STS: variants seen among roughly 807,000 people sequenced by gnomAD.
The protein encoded by STS is steroid sulfatase.
STS carries 7 observed loss-of-function variants against 26.8 expected under a neutral mutation model. The observed-to-expected ratio is 0.26, with a 90% CI of 0.15 to 0.49. The LOEUF (loss-of-function observed/expected upper bound fraction) is 0.49. Ranked by LOEUF, STS falls within the 20% of genes least tolerant of loss-of-function variation. STS has a pLI of 0.98. For missense variants in STS, 434 were observed against 465.6 expected, an observed-to-expected ratio of 0.93 and a Z score of 0.63; for synonymous variants, 199 against 189.4, an observed-to-expected ratio of 1.05 and a Z score of -0.42.
chrX:7,261,273 CAG>C (rs1187567606), intron 6 of STS, among the ~76,000 whole-genome samples: 2 of 110,642 alleles, frequency 1.8e-5, no homozygotes, highest in Non-Finnish European at 3.8e-5. Flanking sequence ...ATAAAGGAGA[CAG>C]AGGAAATATA....
intron 2 of STS, among the ~76,000 whole-genome samples, chrX:7,191,475 G>T (rs1312993997): frequency 1.8e-5 from 2 of 112,483 alleles, no homozygotes; most frequent in Non-Finnish European, 3.8e-5. Context: ...CTGATCAGCT[G>T]CAGCAATACC....
At chrX:7,301,524 G>C (rs1925965604) in intron 7 of STS, among the ~76,000 whole-genome samples, 1 of 111,659 alleles carries the variant, frequency 9.0e-6, no homozygotes, top group Non-Finnish European at 1.9e-5. Context: ...TATTCATGTG[G>C]TATATTTGTT....
At chrX:7,186,037 C>T (rs1279047376) in intron 1 of STS, among the ~76,000 whole-genome samples, 2 of 111,852 alleles carry the variant, frequency 1.8e-5, no homozygotes, top group African/African-American at 3.3e-5. Flanking sequence ...CGAGGTTGGA[C>T]TTGTGAAAAT....
chrX:7,175,493 CAACAA>C (rs200425206), intron 1 of STS, among the ~76,000 whole-genome samples: 5 of 104,232 alleles, frequency 4.8e-5, no homozygotes, highest in African/African-American at 1.4e-4. Context: ...GACCTGGTCT[CAACAA>C]AACAAAACAA....
At position 7,350,144 on chromosome X, in the gene STS, C is replaced by T. The variant is rs1804481; in HGVS notation, c.1620C>T (p.Pro540=). 2.2e-5 allele frequency: 27 copies of T among 1,210,432 alleles called. 1 individual carries two copies. The highest frequency in any genetic ancestry group is 2.8e-5 in the Non-Finnish European group (25 of 895,161). Residue 540 remains proline, a synonymous_variant, in exon 11 of 11, where the codon CCC becomes CCT. Transcript: ENST00000674429. ...ACACCCAGACCCTGCCAGAGGTGCC[C>T]GATCAGTTTTCATGGAACAACTTTC... is the stretch of plus-strand genomic sequence containing the variant. ...DRHTQTLPEV[P]DQFSWNNFLW...
intron 2 of STS, among the ~76,000 whole-genome samples, chrX:7,221,400 G>A (rs1462839327): frequency 8.9e-6 from 1 of 112,334 alleles, no homozygotes; most frequent in African/African-American, 3.2e-5. Context: ...TCTCTGGTTC[G>A]GTACAAAGCT....
At chrX:7,279,359 A>ATG (rs1375649455) in intron 7 of STS, among the ~76,000 whole-genome samples, 1 of 56,085 alleles carries the variant, frequency 1.8e-5, no homozygotes, top group African/African-American at 8.9e-5. Context: ...GTGTGTGTGT[A>ATG]TATGTGTGTG....
At chrX:7,301,705 C>G (rs1340737043) in intron 7 of STS, among the ~76,000 whole-genome samples, 15 of 111,232 alleles carry the variant, frequency 1.3e-4, no homozygotes, top group Non-Finnish European at 2.6e-4. Flanking sequence ...CTCTGTGTTC[C>G]GCCTCCTCAT....
Position 7,205,619 on chromosome X carries a change from GT to G in STS, c.-5+14615del, listed in dbSNP as rs1208030289. Reference sequence around the variant, plus strand: ...TTTTCTTTTTCTTTTCTTTTCTTTCGTTTTCTTTTCTTTTCTTTTTTCTTTT... The same window carrying G: ...TTTTCTTTTTCTTTTCTTTTCTTTCGTTTCTTTTCTTTTCTTTTTTCTTTT... On this transcript the variant is annotated intron_variant, in intron 2 of 10. Transcript: ENST00000674429. Among the ~76,000 whole-genome samples, 5 of 101,557 alleles carry G rather than the reference GT, an allele frequency of 4.9e-5. No individual in the cohort carries two copies. In the East Asian group the frequency reaches 1.6e-3, roughly 32 times the overall value. 88.2% of individuals were successfully genotyped at this position (101,557 alleles called of 115,157 possible).
chrX:7,283,691 G>A (rs934057390), intron 7 of STS, among the ~76,000 whole-genome samples: 3 of 110,708 alleles, frequency 2.7e-5, no homozygotes, highest in Non-Finnish European at 5.7e-5. Context: ...TTGCTAGCAG[G>A]GAGTGTCACA....
intron 1 of STS, among the ~76,000 whole-genome samples, chrX:7,163,107 G>T (rs184898639): frequency 3.4e-4 from 37 of 108,412 alleles, no homozygotes; most frequent in African/African-American, 1.2e-3. Flanking sequence ...TTAGAGCAGG[G>T]TTTTTCAACC....
intron 1 of STS, among the ~76,000 whole-genome samples, chrX:7,156,224 A>G (rs1472404705): frequency 9.0e-6 from 1 of 110,767 alleles, no homozygotes; most frequent in African/African-American, 3.3e-5. Context: ...ATTTAAATTT[A>G]TTACATATAT....
At chrX:7,275,914 T>C in intron 6 of STS, 37 bp from the exon 7 acceptor site, 1 of 1,151,702 alleles carries the variant, frequency 8.7e-7, no homozygotes. Flanking sequence ...TTATCTGTGG[T>C]CTTTTTTTTC....
At chrX:7,190,596 A>G (rs1276275944) in intron 1 of STS, among the ~76,000 whole-genome samples, 1 of 110,132 alleles carries the variant, frequency 9.1e-6, no homozygotes, top group Non-Finnish European at 1.9e-5. Context: ...TGGACAACAT[A>G]GTGGGAACCT....
At chrX:7,177,591 C>A (rs1933598322) in intron 1 of STS, among the ~76,000 whole-genome samples, 1 of 108,855 alleles carries the variant, frequency 9.2e-6, no homozygotes, top group Non-Finnish European at 1.9e-5. Context: ...CAGCTCACTG[C>A]AACCTCTGCC....
At chrX:7,325,776 G>C (rs763666154) in intron 9 of STS, among the ~76,000 whole-genome samples, 39 of 112,222 alleles carry the variant, frequency 3.5e-4, no homozygotes, top group Non-Finnish European at 4.9e-4. Flanking sequence ...TGTAGAAGTA[G>C]GATTGGAGGG....
At chrX:7,279,544 A>G (rs1014640243) in intron 7 of STS, among the ~76,000 whole-genome samples, 14 of 107,692 alleles carry the variant, frequency 1.3e-4, no homozygotes, top group Non-Finnish European at 2.7e-4. Context: ...TATTGGATAC[A>G]GGAACAGAGA....
chrX:7,197,700 G>T lies in STS; in HGVS notation c.-5+6692G>T, dbSNP rs776770435. On this transcript the variant is annotated intron_variant, in intron 2 of 10. Coordinates refer to ENST00000674429, the MANE Select transcript of STS (RefSeq NM_001320752.2). The stretch of plus-strand genomic sequence containing the variant: ...GGTGTTAGGACACTCCCAGTTCTGG[G>T]TCTGTTTACTAAACATTATCAATCT... Among the ~76,000 whole-genome samples, 3 of 111,561 alleles carry T rather than the reference G, an allele frequency of 2.7e-5. No individual in the cohort carries two copies. In the South Asian group the frequency reaches 1.1e-3, roughly 42 times the overall value.
chrX:7,259,616 T>C lies in STS; in HGVS notation c.650T>C (p.Leu217Pro). 1 of 1,211,252 alleles carries C rather than the reference T, an allele frequency of 8.3e-7. No homozygotes were observed. The highest frequency in any genetic ancestry group is 1.1e-6 in the Non-Finnish European group (1 of 895,354). The change falls in exon 6 of 11, where the codon CTA (leucine) becomes CCA (proline). Residue 217 changes from leucine (L) to proline (P), a missense_variant. This residue lies in a region of STS where 229 missense variants were observed against 288.3 expected (regional missense o/e 0.79). Coordinates refer to ENST00000674429, the MANE Select transcript of STS (RefSeq NM_001320752.2). Reference protein sequence around the residue: ...PLGVFFSLLFLAALILTLFLG... With the variant: ...PLGVFFSLLFPAALILTLFLG... The stretch of plus-strand genomic sequence containing the variant: ...GGCGTTTTTTTCAGCCTTCTCTTCC[T>C]AGCAGCCCTAATCCTGACCCTTTTC...
Sources: allele counts gnomAD v4.1 joint callset (sites outside exome capture counted in the v4.1 genomes callset), GRCh38; gene constraint gnomAD v4.1.1; regional missense constraint gnomAD v4.1.1; transcripts MANE v1.5; gene names NCBI Gene and HGNC (gene_info 2026-07-23, HGNC 2026-07-21).